Variants in ATP6V0A1 observed in about 807,000 individuals in gnomAD.
ATP6V0A1 encodes the protein ATPase H+ transporting V0 subunit a1, also known as V-type proton ATPase 116 kDa subunit a 1.
In ATP6V0A1, 43 loss-of-function variants were observed where a neutral mutation model predicts 105.4. The ratio of observed to expected loss-of-function variants is 0.41; its 90% CI spans 0.32 to 0.53. The LOEUF is 0.53. Among genes scored for constraint, ATP6V0A1 ranks in the 20% least tolerant of loss-of-function variants. ATP6V0A1 has a pLI of 0.30. For synonymous variants in ATP6V0A1, 362 were observed against 372.8 expected (o/e 0.97, Z 0.33); for missense variants, 676 against 1,051.1 (o/e 0.64, Z 4.93).
intron 15 of ATP6V0A1, among the ~76,000 whole-genome samples, chr17:42,500,337 G>A (rs1481719932): frequency 1.3e-5 from 2 of 152,134 alleles, no homozygotes; most frequent in Non-Finnish European, 2.9e-5. Context: ...AAAATTAGCT[G>A]GGTGTGGTGG....
intron 11 of ATP6V0A1, among the ~76,000 whole-genome samples, chr17:42,493,497 T>G (rs945130026): frequency 6.6e-6 from 1 of 152,186 alleles, no homozygotes; most frequent in Non-Finnish European, 1.5e-5. Flanking sequence ...GTTCTTTGTT[T>G]GAAATGTTAT....
At chr17:42,514,558 G>C in intron 21 of ATP6V0A1, 98 bp downstream of exon 21, 1 of 1,283,822 alleles carries the variant, frequency 7.8e-7, no homozygotes, top group African/African-American at 1.5e-5. Flanking sequence ...GCAGCTCTGT[G>C]CAGGAAAGAT....
At chr17:42,461,104 C>A in intron 2 of ATP6V0A1, 93 bp downstream of exon 2, 1 of 1,052,486 alleles carries the variant, frequency 9.5e-7, no homozygotes, top group Non-Finnish European at 1.5e-6. Flanking sequence ...TTTTTATTTG[C>A]AAAAATAACA....
chr17:42,519,848 G>A (rs1164515469), intron 21 of ATP6V0A1: 1 of 152,294 alleles, frequency 6.6e-6, no homozygotes, highest in Non-Finnish European at 1.5e-5. Context: ...CAGAAAATTC[G>A]GTTGCGCTCT....
chr17:42,479,780 C>T (rs929570212), intron 7 of ATP6V0A1, among the ~76,000 whole-genome samples: 6 of 152,118 alleles, frequency 3.9e-5, no homozygotes, highest in Admixed American at 1.3e-4. Flanking sequence ...GTTGTGGAAA[C>T]GTTGTAATTT....
At chr17:42,475,103 T>G (rs2088553640) in intron 5 of ATP6V0A1, among the ~76,000 whole-genome samples, 1 of 152,228 alleles carries the variant, frequency 6.6e-6, no homozygotes, top group Non-Finnish European at 1.5e-5. Flanking sequence ...TTTCCTTTCC[T>G]TCTCAGTTTT....
At chr17:42,484,486 A>G (rs527329271) in intron 9 of ATP6V0A1, among the ~76,000 whole-genome samples, 2 of 152,310 alleles carry the variant, frequency 1.3e-5, no homozygotes, top group African/African-American at 4.8e-5. Context: ...GCTGGTCCCA[A>G]TAGCTCGGCA....
chr17:42,493,706 T>C (rs1363751770), intron 11 of ATP6V0A1, among the ~76,000 whole-genome samples: 3 of 151,872 alleles, frequency 2.0e-5, no homozygotes, highest in Non-Finnish European at 2.9e-5. Flanking sequence ...TCCAACTGTT[T>C]GGGAGGCTGA....
intron 5 of ATP6V0A1, chr17:42,470,903 AC>A (rs1232749157): frequency 6.6e-6 from 1 of 152,160 alleles, no homozygotes; most frequent in Non-Finnish European, 1.5e-5. Context: ...CAGGTGGATC[AC>A]CTGAGGTCAG....
rs2089072369 is a variant in ATP6V0A1, at chr17:42,478,608, A to G, written c.633+19A>G. 1 of 1,554,398 alleles carries G rather than the reference A, an allele frequency of 6.4e-7. No homozygotes were observed. The highest frequency in any genetic ancestry group is 1.4e-5 in the African/African-American group (1 of 72,790). Reference sequence around the variant, plus strand: ...TGTGACTGTAAGACAAGGAGATTGCATCCTGTGGAGTAGGTCTTGTAAAGG... The same window carrying G: ...TGTGACTGTAAGACAAGGAGATTGCGTCCTGTGGAGTAGGTCTTGTAAAGG... On this transcript the variant is annotated intron_variant, in intron 7 of 21. Coordinates refer to ENST00000343619, the MANE Select transcript of ATP6V0A1 (RefSeq NM_001130021.3).
At chr17:42,492,227 G>T (rs1406606269) in intron 11 of ATP6V0A1, among the ~76,000 whole-genome samples, 1 of 151,254 alleles carries the variant, frequency 6.6e-6, no homozygotes, top group African/African-American at 2.4e-5. Flanking sequence ...AAATTAGCCG[G>T]ATTTGGTGGC....
chr17:42,495,762 C>T (rs1035802514), intron 14 of ATP6V0A1, 46 bp downstream of exon 14: 1 of 1,452,570 alleles, frequency 6.9e-7, no homozygotes, highest in South Asian at 1.1e-5. Flanking sequence ...TTTTTTAACA[C>T]TAACCCTGAA....
intron 11 of ATP6V0A1, 92 bp downstream of exon 11, chr17:42,490,729 C>T (rs2090542543): frequency 7.1e-7 from 1 of 1,399,862 alleles, no homozygotes; most frequent in Non-Finnish European, 9.7e-7. Context: ...CCCTCTGTCA[C>T]CCAGGCTGGA....
At chr17:42,513,815 T>A in intron 19 of ATP6V0A1, 46 bp from the exon 20 acceptor site, 1 of 1,563,840 alleles carries the variant, frequency 6.4e-7, no homozygotes, top group Non-Finnish European at 8.8e-7. Context: ...GCCTGCACGT[T>A]CCCCTCCTAG....
intron 17 of ATP6V0A1, among the ~76,000 whole-genome samples, chr17:42,506,568 T>C (rs544178757): frequency 6.6e-6 from 1 of 152,248 alleles, no homozygotes; most frequent in Non-Finnish European, 1.5e-5. Context: ...GCCCTTGAGC[T>C]CTTGCCTTGT....
intron 4 of ATP6V0A1, among the ~76,000 whole-genome samples, chr17:42,469,323 CTTTTTTTTTTT>C (rs58501978): frequency 8.8e-5 from 9 of 102,314 alleles, no homozygotes; most frequent in Middle Eastern, 0.013. Flanking sequence ...AAAGGAAAGA[CTTTTTTTTTTT>C]TTTTTTTTTT....
At chr17:42,520,154 C>T (rs2092780213) in intron 21 of ATP6V0A1, 2 of 302,102 alleles carry the variant, frequency 6.6e-6, no homozygotes, top group South Asian at 3.0e-5. Flanking sequence ...GCTCCGGTGC[C>T]TCCAGGGTCA....
chr17:42,511,978 A>G (rs1057228607), intron 19 of ATP6V0A1, among the ~76,000 whole-genome samples: 1 of 152,062 alleles, frequency 6.6e-6, no homozygotes, highest in African/African-American at 2.4e-5. Flanking sequence ...AAAAGTAACA[A>G]CTGGGAGGTT....
chr17:42,476,594 T>C (rs2088779418), intron 5 of ATP6V0A1, among the ~76,000 whole-genome samples: 1 of 152,122 alleles, frequency 6.6e-6, no homozygotes, highest in Non-Finnish European at 1.5e-5. Flanking sequence ...GTTTTTGTTT[T>C]GTTTTGTTTT....
Sources: gnomAD v4.1 joint callset for allele counts (sites outside exome capture counted in the v4.1 genomes callset) on GRCh38, gnomAD v4.1.1 for gene constraint, MANE v1.5 for transcripts, NCBI Gene and HGNC (gene_info 2026-07-23, HGNC 2026-07-21) for gene names.